NMBR: variants seen among roughly 807,000 people sequenced by gnomAD.
NMBR encodes the protein neuromedin B receptor, also known as neuromedin-B receptor.
Under a neutral mutation model 20.5 loss-of-function variants are expected in NMBR, and 16 were observed. The ratio of observed to expected loss-of-function variants is 0.78; its 90% CI spans 0.53 to 1.19. The LOEUF (loss-of-function observed/expected upper bound fraction) is 1.19, where lower values mean the gene tolerates loss of function less well. Among genes scored for constraint, NMBR ranks in the 50% most tolerant of loss-of-function variants. The pLI is 0.00. For missense variants in NMBR, 582 were observed against 499.1 expected (o/e 1.17, Z -1.58); for synonymous variants, 212 against 196.6 (o/e 1.08, Z -0.65).
At chr6:142,114,091 A>C (rs1777813658) in intron 1 of NMBR, among the ~76,000 whole-genome samples, 1 of 152,140 alleles carries the variant, frequency 6.6e-6, no homozygotes. Context: ...CTATATATAC[A>C]TGCAGCTGCA....
At chr6:142,137,012 G>A (rs550066793) in intron 1 of NMBR, among the ~76,000 whole-genome samples, 179 of 152,204 alleles carry the variant, frequency 1.2e-3, no homozygotes, top group African/African-American at 4.0e-3. Context: ...TTTTAAAGTC[G>A]TTTTTTCCAA....
At chr6:142,130,060 T>G (rs1778112307) in intron 1 of NMBR, among the ~76,000 whole-genome samples, 2 of 152,134 alleles carry the variant, frequency 1.3e-5, no homozygotes. Context: ...TGCTTGGCCT[T>G]TGCTCTTCGC....
At chr6:142,127,365 A>G (rs536585118) in intron 1 of NMBR, among the ~76,000 whole-genome samples, 9 of 152,044 alleles carry the variant, frequency 5.9e-5, no homozygotes, top group African/African-American at 2.2e-4. Context: ...TTATGCCAAT[A>G]CTATACTATT....
At chr6:142,126,515 T>A (rs933149282) in intron 1 of NMBR, among the ~76,000 whole-genome samples, 8 of 151,966 alleles carry the variant, frequency 5.3e-5, no homozygotes, top group African/African-American at 1.9e-4. Context: ...TATTTCAATT[T>A]ACACTCCCAC....
intron 3 of NMBR, among the ~76,000 whole-genome samples, chr6:142,077,974 T>G (rs907578593): frequency 6.6e-6 from 1 of 152,222 alleles, no homozygotes; most frequent in Non-Finnish European, 1.5e-5. Context: ...GTATTATCTT[T>G]GTAGGGAAAG....
At chr6:142,133,939 T>C in intron 1 of NMBR, 1 of 702,594 alleles carries the variant, frequency 1.4e-6, no homozygotes, top group Non-Finnish European at 2.6e-6. Flanking sequence ...GCTTTGCAGT[T>C]TATGGGAATG....
In NMBR at chr6:142,077,141, C is replaced by A. The variant is rs537428673; in HGVS notation, c.772-1092G>T. Among the ~76,000 whole-genome samples, 484 of 152,240 alleles carry A rather than the reference C, an allele frequency of 3.2e-3. 3 individuals carry two copies. Among genetic ancestry groups the A allele is most frequent in the African/African-American group, 0.011 (471 of 41,538 alleles). ...AGCAGTGTCATGCCTTCCAGGTGGA[C>A]CATGAGTGCAAGAATGTCACAGCAG... On this transcript the variant is annotated intron_variant, in intron 3 of 3. Transcript: ENST00000258042.
Position 142,088,741 on chromosome 6 carries a change from C to T in NMBR, c.-83G>A. The T allele has an allele frequency of 1.6e-6, 2 of 1,240,458 alleles. No homozygotes were observed. Among genetic ancestry groups the T allele is most frequent in the Non-Finnish European group, 1.1e-6 (1 of 898,630 alleles). 76.8% of individuals were successfully genotyped at this position (1,240,458 alleles called of 1,614,324 possible). A position where few individuals can be genotyped will look rare whatever the true frequency, so the allele number is the denominator to read the frequency against. ...TGAACGCCCACGATTTAGGTTTAATCGATGTCCCTCCCTCTCGCCCCTGCA... is the reference window on the plus strand; with the variant it reads ...TGAACGCCCACGATTTAGGTTTAATTGATGTCCCTCCCTCTCGCCCCTGCA... On this transcript the variant is annotated 5_prime_UTR_variant, in exon 2 of 4. Transcript: ENST00000258042.
chr6:142,100,238 G>C (rs187901416), intron 1 of NMBR, among the ~76,000 whole-genome samples: 5 of 152,184 alleles, frequency 3.3e-5, no homozygotes, highest in Admixed American at 2.6e-4. Flanking sequence ...GAAAACATAT[G>C]TCCACACAAA....
intron 3 of NMBR, among the ~76,000 whole-genome samples, chr6:142,077,311 T>C (rs945607283): frequency 5.9e-5 from 9 of 152,188 alleles, no homozygotes; most frequent in South Asian, 2.1e-4. Flanking sequence ...CCAAGGCCAA[T>C]AAAAATTTAA....
intron 1 of NMBR, among the ~76,000 whole-genome samples, chr6:142,111,505 A>C (rs1206401943): frequency 6.6e-6 from 1 of 152,216 alleles, no homozygotes; most frequent in Non-Finnish European, 1.5e-5. Context: ...ACTTGTAAAA[A>C]ACCACTAGCT....
At chr6:142,134,818 T>C (rs1414508711) in intron 1 of NMBR, 4 of 672,602 alleles carry the variant, frequency 5.9e-6, no homozygotes, top group Non-Finnish European at 1.1e-5. Flanking sequence ...AAAAACCATT[T>C]TTCTCATTGC....
chr6:142,080,220 T>C (rs1204219329), intron 2 of NMBR, among the ~76,000 whole-genome samples: 2 of 152,042 alleles, frequency 1.3e-5, no homozygotes, highest in African/African-American at 4.8e-5. Context: ...GCTATCATCT[T>C]TTGTTTCCTA....
In NMBR at chr6:142,075,439, G is replaced by A. The variant is rs1230971272; in HGVS notation, c.*209C>T. On this transcript the variant is annotated 3_prime_UTR_variant, in exon 4 of 4. Transcript: ENST00000258042. ...TATATACATATATGTATTATATGTA[G>A]TGATTTAAAGTCTTTTCTCATATTC... 6.6e-6 allele frequency among the ~76,000 whole-genome samples: 1 copy of A among 152,048 alleles called. No individual in the cohort carries two copies. Among genetic ancestry groups the A allele is most frequent in the Non-Finnish European group, 1.5e-5 (1 of 68,008 alleles).
At chr6:142,133,204 A>AT (rs746100422) in intron 1 of NMBR, 1 of 667,990 alleles carries the variant, frequency 1.5e-6, no homozygotes, top group South Asian at 1.6e-5. Context: ...ATGTGTAAGT[A>AT]TTATACAAAC....
intron 1 of NMBR, among the ~76,000 whole-genome samples, chr6:142,111,722 C>G (rs543693489): frequency 6.6e-6 from 1 of 152,152 alleles, no homozygotes; most frequent in Non-Finnish European, 1.5e-5. Context: ...AATGTCAATG[C>G]TGATTTAATC....
At chr6:142,120,595 C>A (rs1300732491) in intron 1 of NMBR, among the ~76,000 whole-genome samples, 1 of 151,870 alleles carries the variant, frequency 6.6e-6, no homozygotes, top group Non-Finnish European at 1.5e-5. Flanking sequence ...ACAAACAGGG[C>A]TGAAAGTAAT....
intron 1 of NMBR, among the ~76,000 whole-genome samples, chr6:142,118,715 T>C (rs1448037154): frequency 6.6e-6 from 1 of 152,058 alleles, no homozygotes. Context: ...AAGAAACCCA[T>C]GGAAGGAAGG....
At chr6:142,134,699 G>A (rs1778216422) in intron 1 of NMBR, 1 of 694,242 alleles carries the variant, frequency 1.4e-6, no homozygotes, top group Non-Finnish European at 2.6e-6. Context: ...ATAGCATTCT[G>A]GCTTCAGATT....
Sources: gnomAD v4.1 joint callset for allele counts (sites outside exome capture counted in the v4.1 genomes callset) on GRCh38, gnomAD v4.1.1 for gene constraint, MANE v1.5 for transcripts, NCBI Gene and HGNC (gene_info 2026-07-23, HGNC 2026-07-21) for gene names.